DRC1: variants seen among roughly 807,000 people sequenced by gnomAD.
DRC1 encodes dynein regulatory complex protein 1.
A neutral mutation model predicts 98.7 loss-of-function variants in DRC1; 74 were observed. The observed-to-expected ratio is 0.75, with a 90% CI of 0.62 to 0.91. The LOEUF is 0.91. DRC1 is among the 40% of genes least tolerant of loss of function. The probability of loss-of-function intolerance (pLI) is 0.00; values close to 1 mark genes in which losing one functional copy is unlikely to be tolerated. For missense variants in DRC1, 875 were observed against 886.0 expected (o/e 0.99, Z 0.16); for synonymous variants, 336 against 334.1 (o/e 1.01, Z -0.06).
intron 7 of DRC1, among the ~76,000 whole-genome samples, chr2:26,438,849 T>C (rs1343466259): frequency 6.6e-6 from 1 of 152,036 alleles, no homozygotes; most frequent in Non-Finnish European, 1.5e-5. Context: ...CACGTGGCAG[T>C]TTTATTGAGT....
chr2:26,430,978 T>TG (rs1663421731), intron 6 of DRC1, 106 bp downstream of exon 6: 2 of 979,504 alleles, frequency 2.0e-6, no homozygotes, highest in Non-Finnish European at 2.9e-6. Flanking sequence ...TTTTTTTTTT[T>TG]GAGATGGAAT....
chr2:26,443,125 T>C (rs1663759631), intron 8 of DRC1, among the ~76,000 whole-genome samples: 1 of 152,210 alleles, frequency 6.6e-6, no homozygotes. Flanking sequence ...AAAATATGAA[T>C]GATGAATGTT....
At chr2:26,410,673 G>A (rs902532819) in intron 1 of DRC1, among the ~76,000 whole-genome samples, 3 of 152,072 alleles carry the variant, frequency 2.0e-5, no homozygotes, top group Non-Finnish European at 4.4e-5. Context: ...TCAAGAACAT[G>A]TCTCAGACCT....
chr2:26,437,973 TC>T (rs1474858950), intron 7 of DRC1, among the ~76,000 whole-genome samples: 1 of 150,212 alleles, frequency 6.7e-6, no homozygotes, highest in East Asian at 2.0e-4. Context: ...ACACCTGTAA[TC>T]CCAGCTATTT....
chr2:26,449,430 G>T (rs1347194982), intron 11 of DRC1, among the ~76,000 whole-genome samples: 1 of 152,206 alleles, frequency 6.6e-6, no homozygotes, highest in Non-Finnish European at 1.5e-5. Flanking sequence ...CAGGTGGCAG[G>T]TTCTGCCCTC....
At chr2:26,418,841 T>A (rs1339795247) in intron 2 of DRC1, among the ~76,000 whole-genome samples, 1 of 137,830 alleles carries the variant, frequency 7.3e-6, no homozygotes, top group Non-Finnish European at 1.5e-5. Flanking sequence ...ATAGTATATA[T>A]AAAGCATATT....
At chr2:26,429,496 G>A in intron 4 of DRC1, 132 bp from the exon 5 acceptor site, 1 of 1,231,676 alleles carries the variant, frequency 8.1e-7, no homozygotes, top group Non-Finnish European at 1.1e-6. Context: ...GTGAGCCACT[G>A]TGCGCAGCCC....
At chr2:26,448,571 C>T in intron 10 of DRC1, 120 bp from the exon 11 acceptor site, 1 of 1,028,896 alleles carries the variant, frequency 9.7e-7, no homozygotes, top group Non-Finnish European at 1.5e-6. Context: ...GAATGCCTCA[C>T]AGAGGCTTTT....
intron 2 of DRC1, among the ~76,000 whole-genome samples, chr2:26,417,392 A>G (rs1296318095): frequency 1.3e-5 from 2 of 150,832 alleles, no homozygotes; most frequent in Non-Finnish European, 2.9e-5. Context: ...GCAGTGGCAC[A>G]ATCTTGGCTC....
intron 10 of DRC1, among the ~76,000 whole-genome samples, chr2:26,447,020 G>A (rs1198385326): frequency 2.6e-5 from 4 of 151,966 alleles, no homozygotes; most frequent in African/African-American, 9.7e-5. Flanking sequence ...AACCCGGGAG[G>A]TGGAGGTTGT....
chr2:26,445,784 G>A (rs534222004), intron 10 of DRC1, among the ~76,000 whole-genome samples: 2 of 152,048 alleles, frequency 1.3e-5, no homozygotes, highest in African/African-American at 2.4e-5. Flanking sequence ...TCAGCCTCCC[G>A]AGGAGCTGGG....
chr2:26,448,705 G>A lies in DRC1; in HGVS notation c.1411G>A (p.Glu471Lys). 6.2e-7 allele frequency: 1 copy of A among 1,614,214 alleles called. No homozygotes were observed. Among genetic ancestry groups the A allele is most frequent in the Non-Finnish European group, 8.5e-7 (1 of 1,180,044 alleles). The stretch of plus-strand genomic sequence containing the variant: ...CCCAACTGCAGAAGAGGAGGAGGCA[G>A]AAGAGGCCGCCGCGGAACCAGAGTC... ...MLMRSEEEEA[E>K]EAAAEPESYL... Residue 471 changes from glutamate to lysine, a missense_variant, in exon 11 of 17, where the codon GAA becomes AAA. By Grantham distance (56) the Glu-to-Lys change is moderately conservative (BLOSUM62 1). Transcript: ENST00000288710.
At chr2:26,452,792 T>C (rs78935684) in intron 13 of DRC1, among the ~76,000 whole-genome samples, 2,670 of 152,306 alleles carry the variant, frequency 0.018, 77 homozygotes, top group African/African-American at 0.059. Context: ...TACAGAACTC[T>C]ATTTGTAGTA....
chr2:26,448,867 C>T, intron 11 of DRC1, 64 bp downstream of exon 11: 1 of 1,529,752 alleles, frequency 6.5e-7, no homozygotes, highest in Non-Finnish European at 9.0e-7. Flanking sequence ...GAGGCCTCTG[C>T]TGGGCCAGTG....
intron 16 of DRC1, 70 bp from the exon 17 acceptor site, chr2:26,456,391 T>C (rs1664173765): frequency 6.3e-7 from 1 of 1,597,994 alleles, no homozygotes; most frequent in Non-Finnish European, 8.6e-7. Context: ...AGAGCCAGCG[T>C]GGCTCGCAAG....
chr2:26,447,023 G>A (rs1269398413), intron 10 of DRC1, among the ~76,000 whole-genome samples: 1 of 151,884 alleles, frequency 6.6e-6, no homozygotes, highest in Non-Finnish European at 1.5e-5. Flanking sequence ...CCGGGAGGTG[G>A]AGGTTGTAGT....
At chr2:26,438,006 C>T (rs1345059227) in intron 7 of DRC1, among the ~76,000 whole-genome samples, 1 of 140,932 alleles carries the variant, frequency 7.1e-6, no homozygotes, top group African/African-American at 2.7e-5. Context: ...GCAGGAGAAT[C>T]ATTTGAACCC....
At chr2:26,453,736 G>A (rs1664070278) in intron 14 of DRC1, among the ~76,000 whole-genome samples, 187 bp downstream of exon 14, 1 of 152,242 alleles carries the variant, frequency 6.6e-6, no homozygotes, top group Non-Finnish European at 1.5e-5. Flanking sequence ...ATAGGGCATA[G>A]TGGTGATCTG....
At chr2:26,455,954 G>A (rs927569127) in intron 16 of DRC1, among the ~76,000 whole-genome samples, 6 of 152,258 alleles carry the variant, frequency 3.9e-5, no homozygotes, top group Non-Finnish European at 8.8e-5. Flanking sequence ...TGAGGTGACT[G>A]AGGCCAGCTC....
Sources: allele counts gnomAD v4.1 joint callset (sites outside exome capture counted in the v4.1 genomes callset), GRCh38; gene constraint gnomAD v4.1.1; transcripts MANE v1.5; gene names NCBI Gene and HGNC (gene_info 2026-07-23, HGNC 2026-07-21).